The following KCND2 variants were observed in gnomAD, a reference collection of about 807,000 sequenced individuals.
KCND2 encodes the protein potassium voltage-gated channel subfamily D member 2.
In KCND2, 16 loss-of-function variants were observed where a neutral mutation model predicts 54.4. That is an observed-to-expected ratio of 0.29 (90% confidence interval 0.20 to 0.45). The LOEUF (loss-of-function observed/expected upper bound fraction) is 0.45, where lower values mean the gene tolerates loss of function less well. Ranked by LOEUF, KCND2 falls within the 20% of genes least tolerant of loss-of-function variation. KCND2 has a pLI of 1.00. For synonymous variants in KCND2, 317 were observed against 310.7 expected, an observed-to-expected ratio of 1.02 and a Z score of -0.21; for missense variants, 486 against 824.2, an observed-to-expected ratio of 0.59 and a Z score of 5.02.
At chr7:120,672,804 C>G (rs569331431) in intron 1 of KCND2, 2 of 152,128 alleles carry the variant, frequency 1.3e-5, no homozygotes, top group Non-Finnish European at 2.9e-5. Context: ...TAAGTTAAAA[C>G]GAGACCATAA....
At chr7:120,289,073 CACACAG>C (rs1362041528) in intron 1 of KCND2, among the ~76,000 whole-genome samples, 24 of 35,408 alleles carry the variant, frequency 6.8e-4, no homozygotes, top group African/African-American at 1.3e-3. Context: ...CACACACACA[CACACAG>C]AGAGAGAGAG....
chr7:120,621,706 A>G (rs1793101316), intron 1 of KCND2, among the ~76,000 whole-genome samples: 1 of 152,226 alleles, frequency 6.6e-6, no homozygotes, highest in Non-Finnish European at 1.5e-5. Flanking sequence ...ATAATTCAAA[A>G]CATGTAGACA....
rs537414935 is a variant in KCND2, at chr7:120,729,820, A to G, written c.1116-3083A>G. ...AACAAAGAGATGGTAGAGCTAAAAAATAAATATTTTATTTGGTGTAGATTA... is the reference window on the plus strand; with the variant it reads ...AACAAAGAGATGGTAGAGCTAAAAAGTAAATATTTTATTTGGTGTAGATTA... On this transcript the variant is annotated intron_variant, in intron 1 of 5. Coordinates refer to ENST00000331113, the MANE Select transcript of KCND2 (RefSeq NM_012281.3). Among the ~76,000 whole-genome samples the G allele has an allele frequency of 7.9e-5, 12 of 152,320 alleles. No homozygotes were observed. In the East Asian group the frequency reaches 1.9e-3, roughly 24 times the overall value.
At chr7:120,527,796 A>G (rs914944323) in intron 1 of KCND2, among the ~76,000 whole-genome samples, 12 of 152,230 alleles carry the variant, frequency 7.9e-5, no homozygotes, top group Admixed American at 2.0e-4. Flanking sequence ...TTCCTCTTCA[A>G]TTCTATTTCC....
At chr7:120,653,989 A>C (rs1358177945) in intron 1 of KCND2, among the ~76,000 whole-genome samples, 1 of 152,216 alleles carries the variant, frequency 6.6e-6, no homozygotes, top group African/African-American at 2.4e-5. Context: ...CTCTCTACCC[A>C]GCTTTAAATT....
intron 1 of KCND2, among the ~76,000 whole-genome samples, chr7:120,496,252 A>G (rs1802845445): frequency 6.6e-6 from 1 of 152,012 alleles, no homozygotes; most frequent in Admixed American, 6.6e-5. Context: ...CAGGCTTACT[A>G]GGTAGATTGT....
At chr7:120,630,448 A>G (rs906372176) in intron 1 of KCND2, among the ~76,000 whole-genome samples, 1 of 152,176 alleles carries the variant, frequency 6.6e-6, no homozygotes, top group African/African-American at 2.4e-5. Context: ...GTTATGAAAT[A>G]TCCAGCTATG....
At chr7:120,652,436 G>A (rs944573550) in intron 1 of KCND2, among the ~76,000 whole-genome samples, 3 of 152,150 alleles carry the variant, frequency 2.0e-5, no homozygotes, top group Non-Finnish European at 4.4e-5. Flanking sequence ...AGGGTGGAGA[G>A]ACACAGTGAT....
At chr7:120,715,450 A>T (rs1427865982) in intron 1 of KCND2, among the ~76,000 whole-genome samples, 1 of 152,048 alleles carries the variant, frequency 6.6e-6, no homozygotes, top group Non-Finnish European at 1.5e-5. Flanking sequence ...CCATTACTCC[A>T]TGATAATGAG....
At chr7:120,569,622 A>G (rs1158237401) in intron 1 of KCND2, among the ~76,000 whole-genome samples, 1 of 152,180 alleles carries the variant, frequency 6.6e-6, no homozygotes, top group Non-Finnish European at 1.5e-5. Context: ...CAATAAATAC[A>G]AAATACTGTC....
intron 1 of KCND2, among the ~76,000 whole-genome samples, chr7:120,300,822 T>C (rs1479973693): frequency 6.6e-6 from 1 of 152,056 alleles, no homozygotes; most frequent in African/African-American, 2.4e-5. Context: ...CGTATTACTT[T>C]TAAAGGATTC....
chr7:120,366,849 T>C (rs1369864804), intron 1 of KCND2, among the ~76,000 whole-genome samples: 1 of 152,132 alleles, frequency 6.6e-6, no homozygotes, highest in Non-Finnish European at 1.5e-5. Context: ...ATACCAACTT[T>C]TGTGTCACTT....
At chr7:120,646,430 AT>A (rs1374835539) in intron 1 of KCND2, among the ~76,000 whole-genome samples, 3 of 152,090 alleles carry the variant, frequency 2.0e-5, no homozygotes, top group Non-Finnish European at 4.4e-5. Flanking sequence ...TAGTGATTTT[AT>A]TGATTATCAT....
chr7:120,373,668 G>A (rs535121273), intron 1 of KCND2, among the ~76,000 whole-genome samples: 1 of 151,910 alleles, frequency 6.6e-6, no homozygotes, highest in South Asian at 2.1e-4. Flanking sequence ...TAACTTGAAT[G>A]TATAGACCCA....
chr7:120,740,186 A>T (rs1325727658), intron 2 of KCND2, among the ~76,000 whole-genome samples: 1 of 152,034 alleles, frequency 6.6e-6, no homozygotes, highest in Non-Finnish European at 1.5e-5. Context: ...TTCTCACAGG[A>T]TTCTCTAGAA....
chr7:120,485,925 A>G (rs1802687091), intron 1 of KCND2, among the ~76,000 whole-genome samples: 1 of 152,216 alleles, frequency 6.6e-6, no homozygotes, highest in Admixed American at 6.5e-5. Context: ...TTAAATGCAT[A>G]AATAAATGCA....
intron 1 of KCND2, among the ~76,000 whole-genome samples, chr7:120,634,923 C>T (rs894433983): frequency 1.3e-5 from 2 of 152,150 alleles, no homozygotes; most frequent in African/African-American, 2.4e-5. Context: ...GGTTCTGCCT[C>T]ACACCACCTC....
chr7:120,381,963 A>C (rs1372395630), intron 1 of KCND2, among the ~76,000 whole-genome samples: 3 of 152,040 alleles, frequency 2.0e-5, no homozygotes, highest in African/African-American at 7.2e-5. Context: ...TTTTGTATTT[A>C]GAGAGATAAG....
intron 1 of KCND2, among the ~76,000 whole-genome samples, chr7:120,428,490 G>A (rs996742286): frequency 5.3e-5 from 8 of 152,202 alleles, no homozygotes; most frequent in Admixed American, 5.2e-4. Flanking sequence ...CTAGCAGTCT[G>A]AAAGAAAGAT....
Sources: allele counts gnomAD v4.1 joint callset (sites outside exome capture counted in the v4.1 genomes callset), GRCh38; gene constraint gnomAD v4.1.1; transcripts MANE v1.5; gene names NCBI Gene and HGNC (gene_info 2026-07-23, HGNC 2026-07-21).